UTRN: variants seen among roughly 807,000 people sequenced by gnomAD.
The protein encoded by UTRN is dystrophin-related protein 1.
A neutral mutation model predicts 463.9 loss-of-function variants in UTRN; 283 were observed. The ratio of observed to expected loss-of-function variants is 0.61; its 90% CI spans 0.55 to 0.67. The LOEUF (loss-of-function observed/expected upper bound fraction) is 0.67. UTRN is among the 30% of genes least tolerant of loss of function. The probability of loss-of-function intolerance (pLI) is 0.00; values close to 1 mark genes in which losing one functional copy is unlikely to be tolerated. For missense variants in UTRN, 3,922 were observed against 4,084.3 expected, an observed-to-expected ratio of 0.96 and a Z score of 1.08; for synonymous variants, 1,442 against 1,431.5, an observed-to-expected ratio of 1.01 and a Z score of -0.17.
At chr6:144,312,934 C>A (rs1350444220) in intron 2 of UTRN, among the ~76,000 whole-genome samples, 1 of 152,128 alleles carries the variant, frequency 6.6e-6, no homozygotes, top group Non-Finnish European at 1.5e-5. Flanking sequence ...AGGGGTGTAC[C>A]AAAGAAACCT....
chr6:144,386,638 TG>T (rs1262058794), intron 2 of UTRN, among the ~76,000 whole-genome samples: 1 of 152,186 alleles, frequency 6.6e-6, no homozygotes, highest in Admixed American at 6.5e-5. Flanking sequence ...ATTTTTAAAC[TG>T]TGATGTCCAT....
chr6:144,374,774 G>A (rs1005380551), intron 2 of UTRN, among the ~76,000 whole-genome samples: 3 of 151,260 alleles, frequency 2.0e-5, no homozygotes, highest in Non-Finnish European at 2.9e-5. Flanking sequence ...GAGCTACCGC[G>A]CCCAGCCTTA....
At position 144,327,524 on chromosome 6, in the gene UTRN, G is replaced by A. The variant is rs140825984; in HGVS notation, c.79+35617G>A. Among the ~76,000 whole-genome samples the A allele has an allele frequency of 2.3e-3, 349 of 152,236 alleles. 2 individuals are homozygous for A. Among genetic ancestry groups the A allele is most frequent in the African/African-American group, 7.5e-3 (313 of 41,526 alleles). ...TAACTCCCTCCAGGCTCGGCCTTTCGCCTCTCATCAAAGCTCTTTTTTCCC... is the reference window on the plus strand; with the variant it reads ...TAACTCCCTCCAGGCTCGGCCTTTCACCTCTCATCAAAGCTCTTTTTTCCC... On this transcript the variant is annotated intron_variant, in intron 2 of 74. Transcript: ENST00000367545.
intron 34 of UTRN, among the ~76,000 whole-genome samples, chr6:144,507,290 T>TC (rs1794768465): frequency 1.3e-5 from 2 of 152,102 alleles, no homozygotes; most frequent in South Asian, 4.2e-4. Context: ...TCATTCTCCA[T>TC]CCGGTTTTGT....
intron 52 of UTRN, 30 bp from the exon 53 acceptor site, chr6:144,700,057 G>GTTATTA: frequency 1.9e-6 from 3 of 1,544,620 alleles, no homozygotes; most frequent in Non-Finnish European, 1.8e-6. Flanking sequence ...TCTAAATGTG[G>GTTATTA]TTATTATTAT....
chr6:144,473,345 G>C (rs564696570), intron 23 of UTRN, among the ~76,000 whole-genome samples: 2 of 152,254 alleles, frequency 1.3e-5, no homozygotes, highest in Admixed American at 6.5e-5. Flanking sequence ...CCTGCTCTGA[G>C]TTACTAACTT....
chr6:144,362,098 A>C (rs1779133033), intron 2 of UTRN, among the ~76,000 whole-genome samples: 1 of 152,192 alleles, frequency 6.6e-6, no homozygotes, highest in Admixed American at 6.5e-5. Context: ...AAACATATCA[A>C]CTCATTGGAG....
At chr6:144,514,968 A>G in intron 37 of UTRN, 148 bp downstream of exon 37, 2 of 842,192 alleles carry the variant, frequency 2.4e-6, no homozygotes, top group East Asian at 6.0e-5. Flanking sequence ...GTGCAGTGGC[A>G]TGAGCTCACT....
At chr6:144,699,473 G>GGTTTTTTTTTTT (rs1784354871) in intron 52 of UTRN, among the ~76,000 whole-genome samples, 1 of 67,602 alleles carries the variant, frequency 1.5e-5, no homozygotes, top group Non-Finnish European at 2.6e-5. Flanking sequence ...TTAGTCAGTG[G>GGTTTTTTTTTTT]TTTTTTTTTT....
intron 66 of UTRN, among the ~76,000 whole-genome samples, chr6:144,821,490 G>T (rs1449759304): frequency 1.3e-5 from 2 of 151,592 alleles, no homozygotes; most frequent in Non-Finnish European, 2.9e-5. Flanking sequence ...AAATTCTAAA[G>T]TATCACATTA....
intron 51 of UTRN, among the ~76,000 whole-genome samples, chr6:144,634,809 G>A (rs988076338): frequency 1.3e-5 from 2 of 152,138 alleles, no homozygotes; most frequent in African/African-American, 2.4e-5. Context: ...TTAGGATCAT[G>A]TGTTTAAGGT....
At chr6:144,379,900 G>A (rs1204829733) in intron 2 of UTRN, among the ~76,000 whole-genome samples, 1 of 152,210 alleles carries the variant, frequency 6.6e-6, no homozygotes, top group Non-Finnish European at 1.5e-5. Flanking sequence ...AACTTGTAGA[G>A]GATCTGCTGT....
At chr6:144,370,864 T>C (rs1779920786) in intron 2 of UTRN, among the ~76,000 whole-genome samples, 1 of 152,232 alleles carries the variant, frequency 6.6e-6, no homozygotes, top group African/African-American at 2.4e-5. Flanking sequence ...ACTGTCCTCC[T>C]GGATTTCAGA....
intron 25 of UTRN, among the ~76,000 whole-genome samples, chr6:144,477,865 G>GTA (rs1791398180): frequency 8.1e-6 from 1 of 123,928 alleles, no homozygotes; most frequent in Non-Finnish European, 1.7e-5. Context: ...TTAGAAGTTT[G>GTA]TATCTCTATC....
At chr6:144,347,094 C>T (rs1777650901) in intron 2 of UTRN, among the ~76,000 whole-genome samples, 1 of 152,190 alleles carries the variant, frequency 6.6e-6, no homozygotes, top group Non-Finnish European at 1.5e-5. Flanking sequence ...CTGGAAATTG[C>T]CACTGCTCAG....
At chr6:144,532,119 A>G (rs1222496099) in intron 42 of UTRN, among the ~76,000 whole-genome samples, 1 of 151,950 alleles carries the variant, frequency 6.6e-6, no homozygotes, top group Non-Finnish European at 1.5e-5. Context: ...CCTGGGTGAC[A>G]GAGCAATACT....
intron 51 of UTRN, among the ~76,000 whole-genome samples, chr6:144,639,991 T>C (rs191125346): frequency 6.6e-6 from 1 of 152,256 alleles, no homozygotes; most frequent in Admixed American, 6.5e-5. Flanking sequence ...CCAGAGATGA[T>C]GCAGACAACA....
At position 144,493,337 on chromosome 6, in the gene UTRN, G is replaced by A; in HGVS notation, c.4474G>A (p.Val1492Met). ...YKTLSEVKLE[V>M]ETVIKTGRHI... ...AACTTTGAGTGAAGTCAAACTTGAAGTGGAAACTGTGATTAAAACAGGAAG... is the reference window on the plus strand; with the variant it reads ...AACTTTGAGTGAAGTCAAACTTGAAATGGAAACTGTGATTAAAACAGGAAG... The change falls in exon 33 of 75, where the codon GTG (valine) becomes ATG (methionine). Residue 1492 changes from valine (V) to methionine (M), a missense_variant. By Grantham distance (21) the Val-to-Met change is conservative (BLOSUM62 1). Transcript: ENST00000367545. 1 of 1,614,160 alleles carries A rather than the reference G, an allele frequency of 6.2e-7. No homozygotes were observed. The highest frequency in any genetic ancestry group is 8.5e-7 in the Non-Finnish European group (1 of 1,179,998).
At chr6:144,382,879 G>A (rs921660933) in intron 2 of UTRN, among the ~76,000 whole-genome samples, 2 of 152,148 alleles carry the variant, frequency 1.3e-5, no homozygotes, top group Admixed American at 1.3e-4. Flanking sequence ...CCAGTCATCT[G>A]TCCTTCAGTG....
Sources: allele counts gnomAD v4.1 joint callset (sites outside exome capture counted in the v4.1 genomes callset), GRCh38; gene constraint gnomAD v4.1.1; transcripts MANE v1.5; gene names NCBI Gene and HGNC (gene_info 2026-07-23, HGNC 2026-07-21).